RNF103: variants seen among roughly 807,000 people sequenced by gnomAD.
The protein encoded by RNF103 is E3 ubiquitin-protein ligase RNF103.
Under a neutral mutation model 66.2 loss-of-function variants are expected in RNF103, and 23 were observed. That is an observed-to-expected ratio of 0.35 (90% CI 0.25 to 0.49). The LOEUF (loss-of-function observed/expected upper bound fraction) is 0.49. RNF103 is among the 20% of genes least tolerant of loss of function. The probability of loss-of-function intolerance (pLI) is 0.98; values close to 1 mark genes in which losing one functional copy is unlikely to be tolerated. For missense variants in RNF103, 730 were observed against 814.7 expected (o/e 0.90, Z 1.27); for synonymous variants, 297 against 289.9 (o/e 1.02, Z -0.25).
In RNF103 at chr2:86,620,392, T is replaced by A. The variant is rs758795491; in HGVS notation, c.304A>T (p.Ser102Cys). ...AGCTCATAGAAGTGCATTTCACCAC[T>A]GAAATTGGTACTAGAAACCGATTCG... is the stretch of plus-strand genomic sequence containing the variant. Reference protein sequence around the residue: ...ASESVSSTNFSGEMHFYELVE... With the variant: ...ASESVSSTNFCGEMHFYELVE... The change falls in exon 2 of 4, where the codon AGT becomes TGT. Residue 102 changes from serine to cysteine, a missense_variant. Transcript: ENST00000237455. 1.2e-6 allele frequency: 2 copies of A among 1,608,506 alleles called. No homozygotes were observed. Among genetic ancestry groups the A allele is most frequent in the South Asian group, 2.2e-5 (2 of 90,598 alleles).
chr2:86,609,385 T>C (rs913437372), intron 3 of RNF103, among the ~76,000 whole-genome samples: 3 of 99,702 alleles, frequency 3.0e-5, no homozygotes, highest in African/African-American at 2.2e-4. Context: ...GCCTCAGGTA[T>C]TTTTTTTTTT....
At chr2:86,620,555 G>A in intron 1 of RNF103, 86 bp from the exon 2 acceptor site, 1 of 1,373,624 alleles carries the variant, frequency 7.3e-7, no homozygotes, top group Non-Finnish European at 9.5e-7. Flanking sequence ...ACACTGTTAA[G>A]AATCATGATA....
intron 2 of RNF103, chr2:86,614,615 GA>G (rs397826604): frequency 1.2e-5 from 3 of 253,274 alleles, no homozygotes; most frequent in South Asian, 1.9e-4. Context: ...AAAAAAGAGA[GA>G]AAAAAAAGTT....
At chr2:86,611,590 GA>G (rs1278682426) in intron 3 of RNF103, among the ~76,000 whole-genome samples, 5 of 152,094 alleles carry the variant, frequency 3.3e-5, no homozygotes, top group Non-Finnish European at 7.4e-5. Context: ...CACCTCTGAG[GA>G]TTCTTATTTG....
chr2:86,620,972 TAGAC>T (rs991391534), intron 1 of RNF103, among the ~76,000 whole-genome samples: 3 of 152,286 alleles, frequency 2.0e-5, no homozygotes, highest in African/African-American at 4.8e-5. Flanking sequence ...CTTTACCTGT[TAGAC>T]AGAACAAACT....
In RNF103 at chr2:86,604,781, C is replaced by A; in HGVS notation, c.1120G>T (p.Val374Leu). ...TAAGGTAGCTGTAAAAAGCCCAACA[C>A]AGGTAGCCAGGAAATAATTAATAGA... Reference protein sequence around the residue: ...NSLLIISWLPVLGFLQLPYLD... With the variant: ...NSLLIISWLPLLGFLQLPYLD... The change falls in exon 4 of 4, where the codon GTG (valine) becomes TTG (leucine). Residue 374 changes from valine (V) to leucine (L), a missense_variant. Val to Leu is a conservative substitution (Grantham distance 32). Coordinates refer to ENST00000237455, the MANE Select transcript of RNF103 (RefSeq NM_005667.4). 1 of 1,614,072 alleles carries A rather than the reference C, an allele frequency of 6.2e-7. No homozygotes were observed. Among genetic ancestry groups the A allele is most frequent in the East Asian group, 2.2e-5 (1 of 44,886 alleles).
At chr2:86,608,723 C>T (rs1364989493) in intron 3 of RNF103, among the ~76,000 whole-genome samples, 1 of 152,046 alleles carries the variant, frequency 6.6e-6, no homozygotes, top group African/African-American at 2.4e-5. Context: ...TGTCCTCTAT[C>T]TTCTCTTTAC....
At chr2:86,613,777 G>C (rs1678898533) in intron 2 of RNF103, 1 of 152,160 alleles carries the variant, frequency 6.6e-6, no homozygotes, top group Non-Finnish European at 1.5e-5. Context: ...CAAGTGACTT[G>C]AAGTTCACTT....
At position 86,622,996 on chromosome 2, in the gene RNF103, G is replaced by A. The variant is rs1001280831; in HGVS notation, c.-110C>T. Reference sequence around the variant, plus strand: ...GCTTGGGCGAGGGCCCCGTGTCCACGCGCGGGCCACCCGGCGCCGTCACTG... The same window carrying A: ...GCTTGGGCGAGGGCCCCGTGTCCACACGCGGGCCACCCGGCGCCGTCACTG... On this transcript the variant is annotated 5_prime_UTR_variant, in exon 1 of 4. Coordinates refer to ENST00000237455, the MANE Select transcript of RNF103 (RefSeq NM_005667.4). 5.0e-6 allele frequency: 7 copies of A among 1,400,150 alleles called. No homozygotes were observed. Among genetic ancestry groups the A allele is most frequent in the Non-Finnish European group, 6.5e-6 (7 of 1,081,376 alleles). 86.7% of individuals were successfully genotyped at this position (1,400,150 alleles called of 1,614,324 possible). A position where few individuals can be genotyped will look rare whatever the true frequency, so the allele number is the denominator to read the frequency against.
At chr2:86,611,710 G>A (rs2104228379) in intron 3 of RNF103, among the ~76,000 whole-genome samples, 1 of 152,170 alleles carries the variant, frequency 6.6e-6, no homozygotes, top group South Asian at 2.1e-4. Flanking sequence ...TAGGTTTCAG[G>A]GAAAAGAATA....
chr2:86,620,623 C>A (rs1412539773), intron 1 of RNF103, among the ~76,000 whole-genome samples, 154 bp from the exon 2 acceptor site: 2 of 152,176 alleles, frequency 1.3e-5, no homozygotes, highest in African/African-American at 4.8e-5. Context: ...GATATACCCA[C>A]TTAGGAGTCA....
At chr2:86,612,668 T>C (rs113952727) in intron 2 of RNF103, 7,786 of 154,408 alleles carry the variant, frequency 0.05, 361 homozygotes, top group African/African-American at 0.12. Flanking sequence ...AAATAGAGCT[T>C]ACTAAAAATT....
chr2:86,605,470 T>C, intron 3 of RNF103, 52 bp from the exon 4 acceptor site: 1 of 1,513,038 alleles, frequency 6.6e-7, no homozygotes, highest in Non-Finnish European at 8.8e-7. Flanking sequence ...GCAAACAATT[T>C]ATCTTCCCTG....
chr2:86,615,538 A>ATATATATAT (rs900412430), intron 2 of RNF103, among the ~76,000 whole-genome samples: 2 of 137,234 alleles, frequency 1.5e-5, no homozygotes, highest in Admixed American at 7.9e-5. Context: ...ATATATATAT[A>ATATATATAT]ATATATATAC....
rs1480313371 is a variant in RNF103 at position 86,622,923 on chromosome 2, A to AAT, written c.-39_-38dup. ...TTTCCTCTCTTTCCAGAGAGCTCGGAATACGGGAGAGAGAAGGGTCGAGGG... is the reference window on the plus strand; with the variant it reads ...TTTCCTCTCTTTCCAGAGAGCTCGGAATATACGGGAGAGAGAAGGGTCGAGGG... On this transcript the variant is annotated 5_prime_UTR_variant, in exon 1 of 4. Coordinates refer to ENST00000237455, the MANE Select transcript of RNF103 (RefSeq NM_005667.4). 1 of 1,554,614 alleles carries AAT rather than the reference A, an allele frequency of 6.4e-7. No individual in the cohort carries two copies. The highest frequency in any genetic ancestry group is 1.4e-5 in the African/African-American group (1 of 73,086).
At chr2:86,621,394 A>G (rs1318989717) in intron 1 of RNF103, among the ~76,000 whole-genome samples, 1 of 152,240 alleles carries the variant, frequency 6.6e-6, no homozygotes, top group Non-Finnish European at 1.5e-5. Flanking sequence ...CTCTAAACCA[A>G]GAGAGTTTAT....
rs550341131 is a variant in RNF103, at chr2:86,604,217, G to C, written c.1684C>G (p.His562Asp). The C allele has an allele frequency of 6.2e-7, 1 of 1,613,994 alleles. No individual in the cohort carries two copies. The highest frequency in any genetic ancestry group is 1.1e-5 in the South Asian group (1 of 91,078). The change falls in exon 4 of 4, where the codon CAC becomes GAC. Residue 562 changes from histidine to aspartate, a missense_variant. Coordinates refer to ENST00000237455, the MANE Select transcript of RNF103 (RefSeq NM_005667.4). ...TGACTTGCTGTTCCTGGAGAATTGT[G>C]AAGTACGCTTTGCTTATCTTCAAAT... ...EVFEDKQSVL[H>D]NSPGTASHCD... is the part of the protein sequence containing the mutation.
In RNF103 at chr2:86,623,843, C is replaced by T. The variant is rs1042374713; in HGVS notation, c.-957G>A. On this transcript the variant is annotated 5_prime_UTR_variant, in exon 1 of 4. Transcript: ENST00000237455. ...TCCACAACCGTGTATCAGCGGCGGC[C>T]GCGGCCGGAGCCGAGACATAACAAC... 1 of 1,287,920 alleles carries T rather than the reference C, an allele frequency of 7.8e-7. No homozygotes were observed. The highest frequency in any genetic ancestry group is 1.0e-6 in the Non-Finnish European group (1 of 988,342). The allele number at this position is 1,287,920 out of a possible 1,614,324, so 79.8% of individuals were successfully genotyped here. A position where few individuals can be genotyped will look rare whatever the true frequency, so the allele number is the denominator to read the frequency against.
At position 86,603,834 on chromosome 2, in the gene RNF103, T is replaced by G. The variant is rs1406953954; in HGVS notation, c.*9A>C. 6.3e-7 allele frequency: 1 copy of G among 1,595,012 alleles called. No individual in the cohort carries two copies. Among genetic ancestry groups the G allele is most frequent in the East Asian group, 2.2e-5 (1 of 44,764 alleles). On this transcript the variant is annotated 3_prime_UTR_variant, in exon 4 of 4. Transcript: ENST00000237455. The stretch of plus-strand genomic sequence containing the variant: ...TACTCAAAGCTTATAAAGGACAAAT[T>G]GCACATGGTTAAGATGGGACATCAT...
Sources: gnomAD v4.1 joint callset for allele counts (sites outside exome capture counted in the v4.1 genomes callset) on GRCh38, gnomAD v4.1.1 for gene constraint, MANE v1.5 for transcripts, NCBI Gene and HGNC (gene_info 2026-07-23, HGNC 2026-07-21) for gene names.